HRH1: variants seen among roughly 807,000 people sequenced by gnomAD.
The protein encoded by HRH1 is histamine H1 receptor.
In HRH1, 6 loss-of-function variants were observed where a neutral mutation model predicts 10.3. The ratio of observed to expected loss-of-function variants is 0.58; its 90% confidence interval spans 0.32 to 1.15. The LOEUF is 1.15. HRH1 is among the 50% of genes most tolerant of loss of function. The pLI is 0.05. For missense variants in HRH1, 514 were observed against 615.3 expected, an observed-to-expected ratio of 0.84 and a Z score of 1.74; for synonymous variants, 242 against 236.7, an observed-to-expected ratio of 1.02 and a Z score of -0.21.
Position 11,198,401 on chromosome 3 carries a change from C to T in HRH1, c.-36+43847C>T, listed in dbSNP as rs1054008248. Reference sequence around the variant, plus strand: ...TTCCTGCTGCCAGGATTTTATTTAACGAAGGGACAAGATGACAGTAGCAAA... The same window carrying T: ...TTCCTGCTGCCAGGATTTTATTTAATGAAGGGACAAGATGACAGTAGCAAA... On this transcript the variant is annotated intron_variant, in intron 1 of 1. Coordinates refer to ENST00000431010, the MANE Select transcript of HRH1 (RefSeq NM_001098212.2). Among the ~76,000 whole-genome samples the T allele has an allele frequency of 6.6e-4, 100 of 152,076 alleles. 1 individual carries two copies. Among genetic ancestry groups the T allele is most frequent in the Non-Finnish European group, 1.1e-3 (75 of 68,030 alleles).
In HRH1 at chr3:11,257,899, A is replaced by C. The variant is rs548337326; in HGVS notation, c.-35-1104A>C. Among the ~76,000 whole-genome samples the C allele has an allele frequency of 3.3e-5, 5 of 151,980 alleles. No individual in the cohort carries two copies. The South Asian group carries it at 8.3e-4, about 25-fold the overall frequency. On this transcript the variant is annotated intron_variant, in intron 1 of 1. Transcript: ENST00000431010. Reference sequence around the variant, plus strand: ...GCCTCAAGTGATCATTCCACCTTTAACTCTTGCCCTCAAGCAATCCTCCCA... The same window carrying C: ...GCCTCAAGTGATCATTCCACCTTTACCTCTTGCCCTCAAGCAATCCTCCCA...
chr3:11,220,260 C>G (rs1938662123), intron 1 of HRH1, among the ~76,000 whole-genome samples: 1 of 152,174 alleles, frequency 6.6e-6, no homozygotes. Flanking sequence ...AGAATTGGAC[C>G]TGGGTCTAAG....
intron 1 of HRH1, among the ~76,000 whole-genome samples, chr3:11,198,929 T>C (rs989635600): frequency 4.5e-5 from 6 of 134,024 alleles, no homozygotes; most frequent in African/African-American, 1.8e-4. Flanking sequence ...CACACACACA[T>C]TTTTTTTTTT....
chr3:11,233,691 C>G (rs944846631), intron 1 of HRH1, among the ~76,000 whole-genome samples: 9 of 152,138 alleles, frequency 5.9e-5, no homozygotes, highest in Non-Finnish European at 1.3e-4. Context: ...AAACCAGGAG[C>G]TCAATGCCAA....
At chr3:11,175,985 C>A (rs940198858) in intron 1 of HRH1, among the ~76,000 whole-genome samples, 1 of 151,838 alleles carries the variant, frequency 6.6e-6, no homozygotes, top group African/African-American at 2.4e-5. Flanking sequence ...ATGGCAAAAC[C>A]CTGTCTCTCC....
At chr3:11,178,267 C>T (rs531594671) in intron 1 of HRH1, among the ~76,000 whole-genome samples, 2 of 152,354 alleles carry the variant, frequency 1.3e-5, no homozygotes, top group Non-Finnish European at 2.9e-5. Flanking sequence ...ATCATCCTCT[C>T]CTCTGTGACA....
chr3:11,143,501 G>A (rs551854958), intron 1 of HRH1, among the ~76,000 whole-genome samples: 1 of 152,194 alleles, frequency 6.6e-6, no homozygotes, highest in Non-Finnish European at 1.5e-5. Context: ...CCCTGGAAGC[G>A]ATTCCTTAAA....
chr3:11,221,209 G>A (rs1428059164), intron 1 of HRH1, among the ~76,000 whole-genome samples: 2 of 152,162 alleles, frequency 1.3e-5, no homozygotes, highest in Non-Finnish European at 2.9e-5. Flanking sequence ...GTGCTTTAAG[G>A]AGCTGTTTAG....
intron 1 of HRH1, among the ~76,000 whole-genome samples, chr3:11,164,066 T>A (rs907445993): frequency 3.3e-5 from 5 of 152,120 alleles, no homozygotes; most frequent in Non-Finnish European, 7.4e-5. Flanking sequence ...GTTGAATGAA[T>A]GAATGAATGA....
chr3:11,182,949 TA>T (rs750072737), intron 1 of HRH1, among the ~76,000 whole-genome samples: 1 of 152,206 alleles, frequency 6.6e-6, no homozygotes, highest in Non-Finnish European at 1.5e-5. Flanking sequence ...GGGACCCCTA[TA>T]AAGCACTTTT....
intron 1 of HRH1, among the ~76,000 whole-genome samples, chr3:11,175,478 C>T (rs1032245106): frequency 6.6e-6 from 1 of 152,100 alleles, no homozygotes; most frequent in Admixed American, 6.6e-5. Flanking sequence ...CCTTTTATAA[C>T]AAATAGTTTG....
intron 1 of HRH1, among the ~76,000 whole-genome samples, chr3:11,162,392 G>T (rs1936944289): frequency 6.6e-6 from 1 of 151,720 alleles, no homozygotes; most frequent in South Asian, 2.1e-4. Flanking sequence ...CGATCCAGAG[G>T]TCCCTAGCAC....
chr3:11,220,944 G>A (rs562822261), intron 1 of HRH1, among the ~76,000 whole-genome samples: 6 of 152,274 alleles, frequency 3.9e-5, no homozygotes, highest in South Asian at 2.1e-4. Flanking sequence ...TAAAAGAGAC[G>A]AATCCCCAAT....
intron 1 of HRH1, among the ~76,000 whole-genome samples, chr3:11,172,758 A>G (rs1937177353): frequency 6.9e-6 from 1 of 144,636 alleles, no homozygotes; most frequent in Admixed American, 7.1e-5. Context: ...GCTGAAGTGC[A>G]GTAGGCGATC....
Position 11,160,703 on chromosome 3 carries a change from A to G in HRH1, c.-36+6149A>G, listed in dbSNP as rs564809779. Among the ~76,000 whole-genome samples, 3 of 152,240 alleles carry G rather than the reference A, an allele frequency of 2.0e-5. No homozygotes were observed. The South Asian group carries it at 6.2e-4, about 32-fold the overall frequency. Reference sequence around the variant, plus strand: ...ATCACACTCAACTCCAGGGAACACCATTTGCACAGTTCTGTATCTTGGGCC... The same window carrying G: ...ATCACACTCAACTCCAGGGAACACCGTTTGCACAGTTCTGTATCTTGGGCC... On this transcript the variant is annotated intron_variant, in intron 1 of 1. Coordinates refer to ENST00000431010, the MANE Select transcript of HRH1 (RefSeq NM_001098212.2).
intron 1 of HRH1, among the ~76,000 whole-genome samples, chr3:11,157,825 G>GTCA (rs1415185905): frequency 6.6e-6 from 1 of 152,242 alleles, no homozygotes; most frequent in African/African-American, 2.4e-5. Context: ...GAGCAGAAGA[G>GTCA]GTTGAGGAAG....
upstream of HRH1, among the ~76,000 whole-genome samples, chr3:11,150,549 C>T (rs1936584265): frequency 6.6e-6 from 1 of 152,280 alleles, no homozygotes; most frequent in African/African-American, 2.4e-5. Flanking sequence ...CGTAGTGACA[C>T]TCATTTCTTC....
chr3:11,188,130 C>A (rs1026675276), intron 1 of HRH1, among the ~76,000 whole-genome samples: 1 of 152,134 alleles, frequency 6.6e-6, no homozygotes, highest in South Asian at 2.1e-4. Flanking sequence ...CGTGAACTAT[C>A]GTTGTTTAAC....
chr3:11,208,973 C>G (rs994030911), intron 1 of HRH1, among the ~76,000 whole-genome samples: 20 of 152,216 alleles, frequency 1.3e-4, no homozygotes, highest in African/African-American at 4.6e-4. Flanking sequence ...TTTGCATCAC[C>G]CCAGCCATGA....
Sources: allele counts gnomAD v4.1 joint callset (sites outside exome capture counted in the v4.1 genomes callset), GRCh38; gene constraint gnomAD v4.1.1; transcripts MANE v1.5; gene names NCBI Gene and HGNC (gene_info 2026-07-23, HGNC 2026-07-21).